GRB14: variants seen among roughly 807,000 people sequenced by gnomAD.
The protein encoded by GRB14 is growth factor receptor bound protein 14, also known as growth factor receptor-bound protein 14.
A neutral mutation model predicts 69.1 loss-of-function variants in GRB14; 38 were observed. That is an observed-to-expected ratio of 0.55 (90% confidence interval 0.42 to 0.72). The LOEUF (loss-of-function observed/expected upper bound fraction) is 0.72. GRB14 is among the 30% of genes least tolerant of loss of function. The pLI is 0.00. For missense variants in GRB14, 666 were observed against 666.1 expected (o/e 1.00, Z 0.00); for synonymous variants, 247 against 241.3 (o/e 1.02, Z -0.22).
chr2:164,581,592 T>C (rs545900939), intron 2 of GRB14, among the ~76,000 whole-genome samples: 1 of 152,036 alleles, frequency 6.6e-6, no homozygotes, highest in South Asian at 2.1e-4. Context: ...CCAGAACAAA[T>C]GAAGCCCCGC....
chr2:164,579,188 A>T (rs534823956), intron 2 of GRB14, among the ~76,000 whole-genome samples: 1 of 152,312 alleles, frequency 6.6e-6, no homozygotes, highest in Admixed American at 6.5e-5. Flanking sequence ...CATAATAAAG[A>T]TTTAAACCAG....
chr2:164,528,294 G>A (rs1203417859), intron 3 of GRB14, among the ~76,000 whole-genome samples: 1 of 151,958 alleles, frequency 6.6e-6, no homozygotes, highest in African/African-American at 2.4e-5. Flanking sequence ...TTTTCTTAAT[G>A]TATGCCATAC....
intron 2 of GRB14, among the ~76,000 whole-genome samples, chr2:164,618,588 TGTACCAA>T (rs1288703941): frequency 6.6e-6 from 1 of 152,142 alleles, no homozygotes; most frequent in Non-Finnish European, 1.5e-5. Flanking sequence ...CAAAAACCTG[TGTACCAA>T]GTGACTTCAA....
intron 12 of GRB14, among the ~76,000 whole-genome samples, chr2:164,496,139 T>C (rs1686888171): frequency 6.6e-6 from 1 of 152,214 alleles, no homozygotes; most frequent in East Asian, 1.9e-4. Flanking sequence ...TGAAGAAGCA[T>C]TGTTATCCAA....
At chr2:164,543,885 G>A (rs1688299727) in intron 3 of GRB14, among the ~76,000 whole-genome samples, 1 of 152,154 alleles carries the variant, frequency 6.6e-6, no homozygotes, top group South Asian at 2.1e-4. Context: ...TTGTGCTGAG[G>A]AAGATGACAG....
intron 8 of GRB14, among the ~76,000 whole-genome samples, chr2:164,503,169 T>TAAAA (rs3086552): frequency 1.8e-4 from 23 of 126,608 alleles, no homozygotes; most frequent in African/African-American, 5.2e-4. Flanking sequence ...GCTACTTTGT[T>TAAAA]AAAAAAAAAA....
At chr2:164,541,341 G>A (rs1688233987) in intron 3 of GRB14, among the ~76,000 whole-genome samples, 1 of 151,692 alleles carries the variant, frequency 6.6e-6, no homozygotes, top group Non-Finnish European at 1.5e-5. Context: ...GCGTGGTGGT[G>A]GGTGCCTGTA....
chr2:164,574,633 T>A (rs943439653), intron 2 of GRB14, among the ~76,000 whole-genome samples: 2 of 152,106 alleles, frequency 1.3e-5, no homozygotes, highest in African/African-American at 2.4e-5. Context: ...AATATAAGAC[T>A]TTTTTGTAGT....
chr2:164,563,913 C>A (rs572196661), intron 2 of GRB14, among the ~76,000 whole-genome samples: 14 of 152,112 alleles, frequency 9.2e-5, no homozygotes, highest in African/African-American at 3.4e-4. Flanking sequence ...CAAGATAGAG[C>A]AACTGAAAGT....
At chr2:164,616,762 C>A (rs902997926) in intron 2 of GRB14, among the ~76,000 whole-genome samples, 3 of 152,102 alleles carry the variant, frequency 2.0e-5, no homozygotes, top group African/African-American at 7.2e-5. Context: ...TTCACTTTTT[C>A]TGTGGAGAGA....
intron 2 of GRB14, among the ~76,000 whole-genome samples, chr2:164,558,371 A>G (rs1465088946): frequency 6.6e-6 from 1 of 152,238 alleles, no homozygotes; most frequent in Non-Finnish European, 1.5e-5. Context: ...TCATTATAAA[A>G]GAAAGCAAAC....
intron 5 of GRB14, among the ~76,000 whole-genome samples, chr2:164,524,703 CAT>C (rs1687722915): frequency 6.6e-6 from 1 of 151,988 alleles, no homozygotes; most frequent in African/African-American, 2.4e-5. Context: ...TAAAGACTAA[CAT>C]AATATTTACA....
At chr2:164,601,527 A>T (rs1187518389) in intron 2 of GRB14, among the ~76,000 whole-genome samples, 3 of 152,140 alleles carry the variant, frequency 2.0e-5, no homozygotes, top group Non-Finnish European at 4.4e-5. Context: ...CAGGGCTGGG[A>T]TTGAAATCTG....
chr2:164,544,121 G>A (rs1688306844), intron 3 of GRB14, among the ~76,000 whole-genome samples: 1 of 152,176 alleles, frequency 6.6e-6, no homozygotes, highest in Non-Finnish European at 1.5e-5. Context: ...ATGAGAATAT[G>A]CTCATATCTT....
At position 164,492,994 on chromosome 2, in the gene GRB14, G is replaced by A. The variant is rs1197830039; in HGVS notation, c.*42C>T. On this transcript the variant is annotated 3_prime_UTR_variant, in exon 14 of 14. Transcript: ENST00000263915. Reference sequence around the variant, plus strand: ...TATGGTCTTTTATTATTTTTCTTGAGTCCTTTTCCTTCAATAGTTTAATAA... The same window carrying A: ...TATGGTCTTTTATTATTTTTCTTGAATCCTTTTCCTTCAATAGTTTAATAA... 6.4e-7 allele frequency: 1 copy of A among 1,553,694 alleles called. No homozygotes were observed. Among genetic ancestry groups the A allele is most frequent in the Non-Finnish European group, 8.7e-7 (1 of 1,145,778 alleles).
intron 6 of GRB14, among the ~76,000 whole-genome samples, chr2:164,513,664 TA>T (rs1179027738): frequency 2.4e-4 from 36 of 152,198 alleles, no homozygotes; most frequent in African/African-American, 8.4e-4. Context: ...ATGTGTGTGC[TA>T]AGAATCAAGC....
At chr2:164,535,113 T>C (rs1270033291) in intron 3 of GRB14, among the ~76,000 whole-genome samples, 1 of 152,162 alleles carries the variant, frequency 6.6e-6, no homozygotes, top group African/African-American at 2.4e-5. Flanking sequence ...AAGAAAAGCT[T>C]CAAAAGCATT....
At chr2:164,596,118 G>A (rs1367967139) in intron 2 of GRB14, among the ~76,000 whole-genome samples, 6 of 151,988 alleles carry the variant, frequency 3.9e-5, no homozygotes, top group South Asian at 4.2e-4. Flanking sequence ...GGGAGACTCC[G>A]TCAAAAACAA....
chr2:164,496,885 A>G (rs1452667070), intron 12 of GRB14, 123 bp downstream of exon 12: 2 of 718,124 alleles, frequency 2.8e-6, no homozygotes, highest in Non-Finnish European at 4.9e-6. Context: ...TTTATAGAAC[A>G]ATGTCACTTC....
Sources: allele counts gnomAD v4.1 joint callset (sites outside exome capture counted in the v4.1 genomes callset), GRCh38; gene constraint gnomAD v4.1.1; transcripts MANE v1.5; gene names NCBI Gene and HGNC (gene_info 2026-07-23, HGNC 2026-07-21).